Variants in CUBN observed in about 807,000 individuals in gnomAD.
CUBN encodes 460 kDa receptor.
Under a neutral mutation model 405.3 loss-of-function variants are expected in CUBN, and 282 were observed. That is an observed-to-expected ratio of 0.70 (90% CI 0.63 to 0.77). The LOEUF is 0.77. Among genes scored for constraint, CUBN ranks in the 30% least tolerant of loss-of-function variants. The pLI, the probability that CUBN is intolerant of heterozygous loss-of-function variation, is 0.00. For synonymous variants in CUBN, 1,684 were observed against 1,617.0 expected (o/e 1.04, Z -0.99); for missense variants, 4,514 against 4,475.2 (o/e 1.01, Z -0.25).
At chr10:17,098,787 T>C (rs1588640714) in intron 14 of CUBN, among the ~76,000 whole-genome samples, 2 of 152,092 alleles carry the variant, frequency 1.3e-5, no homozygotes, top group South Asian at 4.1e-4. Context: ...AAGTGAAAAA[T>C]TAAATTTTAG....
At chr10:16,898,963 C>T (rs746430036) in intron 54 of CUBN, 33 bp downstream of exon 54, 2 of 1,516,382 alleles carry the variant, frequency 1.3e-6, no homozygotes, top group Non-Finnish European at 1.8e-6. Context: ...ACAAAACCAA[C>T]TTGGCTCCAA....
chr10:17,003,630 A>G (rs540598589), intron 28 of CUBN, among the ~76,000 whole-genome samples: 1 of 152,154 alleles, frequency 6.6e-6, no homozygotes, highest in African/African-American at 2.4e-5. Context: ...TCTGTATTTC[A>G]AAGTTATAAC....
chr10:17,064,426 T>A (rs1835567120), intron 22 of CUBN, among the ~76,000 whole-genome samples: 1 of 152,198 alleles, frequency 6.6e-6, no homozygotes, highest in African/African-American at 2.4e-5. Flanking sequence ...GTTCTCAGGA[T>A]GCCAGAGTGT....
chr10:17,076,417 C>G (rs1835854695), intron 17 of CUBN, among the ~76,000 whole-genome samples: 1 of 150,794 alleles, frequency 6.6e-6, no homozygotes, highest in East Asian at 1.9e-4. Flanking sequence ...CTAAAGTGAC[C>G]CTAGCTACCT....
chr10:16,890,324 C>CCA, intron 55 of CUBN, 47 bp downstream of exon 55: 1 of 1,607,054 alleles, frequency 6.2e-7, no homozygotes, highest in Middle Eastern at 2.3e-4. Flanking sequence ...CCTGTGACAA[C>CCA]CACACTCCCG....
At chr10:17,003,587 A>AT (rs1427733454) in intron 28 of CUBN, among the ~76,000 whole-genome samples, 5 of 152,146 alleles carry the variant, frequency 3.3e-5, no homozygotes, top group Non-Finnish European at 5.9e-5. Flanking sequence ...CCCTAAAATC[A>AT]TTTTCAAACT....
intron 30 of CUBN, among the ~76,000 whole-genome samples, chr10:16,983,353 T>C (rs182658333): frequency 3.3e-5 from 5 of 152,274 alleles, no homozygotes; most frequent in East Asian, 1.9e-4. Flanking sequence ...TTGGTTATGA[T>C]AGAGTTGAAG....
At chr10:16,911,137 A>T (rs1356722322) in intron 48 of CUBN, among the ~76,000 whole-genome samples, 1 of 152,236 alleles carries the variant, frequency 6.6e-6, no homozygotes, top group Non-Finnish European at 1.5e-5. Flanking sequence ...GTAGAGATGC[A>T]CATCTGGGGT....
intron 59 of CUBN, among the ~76,000 whole-genome samples, chr10:16,854,918 C>CT (rs1323002180): frequency 2.8e-4 from 42 of 151,542 alleles, no homozygotes; most frequent in African/African-American, 9.0e-4. Flanking sequence ...CCTTTCCTTC[C>CT]TTCCTTCCTT....
chr10:16,975,475 G>A (rs1161271299), intron 31 of CUBN, among the ~76,000 whole-genome samples: 4 of 152,160 alleles, frequency 2.6e-5, no homozygotes, highest in Admixed American at 6.5e-5. Context: ...GACACACTTT[G>A]TATGTTAAAT....
chr10:17,040,679 T>G (rs1834998441), intron 27 of CUBN, among the ~76,000 whole-genome samples: 1 of 151,994 alleles, frequency 6.6e-6, no homozygotes, highest in Admixed American at 6.6e-5. Context: ...AAATGACATC[T>G]TAAATAAATC....
chr10:16,825,706 A>G (rs1170691992), intron 66 of CUBN, among the ~76,000 whole-genome samples: 1 of 125,208 alleles, frequency 8.0e-6, no homozygotes, highest in Admixed American at 8.5e-5. Flanking sequence ...GTTGTCTCTC[A>G]CTTTCTATTC....
chr10:16,980,592 CA>C (rs916064954), intron 31 of CUBN, among the ~76,000 whole-genome samples: 3 of 152,000 alleles, frequency 2.0e-5, no homozygotes, highest in African/African-American at 7.3e-5. Flanking sequence ...AACACAGGAA[CA>C]AAAAACCAAA....
At chr10:16,991,074 T>A (rs1199877164) in intron 28 of CUBN, among the ~76,000 whole-genome samples, 1 of 149,974 alleles carries the variant, frequency 6.7e-6, no homozygotes, top group African/African-American at 2.4e-5. Context: ...TTAAAAAAAA[T>A]ACAATGGATA....
intron 58 of CUBN, among the ~76,000 whole-genome samples, chr10:16,873,320 G>GT: frequency 6.6e-6 from 1 of 152,254 alleles, no homozygotes; most frequent in African/African-American, 2.4e-5. Context: ...TTGGGAATAG[G>GT]TAAGACTGGG....
intron 31 of CUBN, among the ~76,000 whole-genome samples, chr10:16,956,892 G>A (rs1278332840): frequency 6.6e-6 from 1 of 151,880 alleles, no homozygotes; most frequent in Non-Finnish European, 1.5e-5. Flanking sequence ...TTGGTTTTAA[G>A]TGATGCATAA....
At chr10:17,021,105 T>C (rs1311595731) in intron 27 of CUBN, among the ~76,000 whole-genome samples, 2 of 151,750 alleles carry the variant, frequency 1.3e-5, no homozygotes, top group Admixed American at 1.3e-4. Context: ...TTTAATTACT[T>C]TGACATTGAA....
chr10:16,962,713 T>A (rs904132615), intron 31 of CUBN, among the ~76,000 whole-genome samples: 2 of 152,140 alleles, frequency 1.3e-5, no homozygotes, highest in African/African-American at 4.8e-5. Flanking sequence ...AGGTGCCGTG[T>A]TCTGAGATAC....
At chr10:17,034,913 C>G (rs886416678) in intron 27 of CUBN, among the ~76,000 whole-genome samples, 5 of 152,072 alleles carry the variant, frequency 3.3e-5, no homozygotes, top group African/African-American at 1.2e-4. Flanking sequence ...AAGTGCAACT[C>G]TGGACTAATT....
Sources: gnomAD v4.1 joint callset for allele counts (sites outside exome capture counted in the v4.1 genomes callset) on GRCh38, gnomAD v4.1.1 for gene constraint, MANE v1.5 for transcripts, NCBI Gene and HGNC (gene_info 2026-07-23, HGNC 2026-07-21) for gene names.